Variants in CIAO1 observed in about 807,000 individuals in gnomAD.
CIAO1 encodes the protein cytosolic iron-sulfur assembly component 1.
In CIAO1, 32 loss-of-function variants were observed where a neutral mutation model predicts 43.1. The ratio of observed to expected loss-of-function variants is 0.74; its 90% CI spans 0.56 to 1.00. The LOEUF is 1.00. Ranked by LOEUF, CIAO1 falls within the 50% of genes least tolerant of loss-of-function variation. CIAO1 has a pLI of 0.00. For synonymous variants in CIAO1, 183 were observed against 171.4 expected (o/e 1.07, Z -0.53); for missense variants, 415 against 437.4 (o/e 0.95, Z 0.46).
At chr2:96,268,201 A>G (rs1684474383) in intron 4 of CIAO1, among the ~76,000 whole-genome samples, 1 of 152,150 alleles carries the variant, frequency 6.6e-6, no homozygotes, top group African/African-American at 2.4e-5. Context: ...TAAAAATACA[A>G]AATTAGCGGG....
Position 96,271,699 on chromosome 2 carries a change from GA to G in CIAO1, c.*351del, listed in dbSNP as rs1684553419. 1 of 176,850 alleles carries G rather than the reference GA, an allele frequency of 5.7e-6. No individual in the cohort carries two copies. Among genetic ancestry groups the G allele is most frequent in the Admixed American group, 5.8e-5 (1 of 17,310 alleles). 11.0% of individuals were successfully genotyped at this position (176,850 alleles called of 1,614,324 possible). On this transcript the variant is annotated 3_prime_UTR_variant, in exon 7 of 7. Coordinates refer to ENST00000488633, the MANE Select transcript of CIAO1 (RefSeq NM_004804.3). ...CTTTTCTGAAGTTGCAAGACTTAAA[GA>G]AATAATCCATCTGCATCCCAAGTCC...
intron 1 of CIAO1, 67 bp from the exon 2 acceptor site, chr2:96,267,254 C>A: frequency 1.3e-6 from 2 of 1,525,176 alleles, no homozygotes; most frequent in Non-Finnish European, 8.8e-7. Context: ...CAGTGCTAGC[C>A]CCTGATATTG....
Position 96,266,427 on chromosome 2 carries a change from C to T in CIAO1, c.77C>T (p.Pro26Leu), listed in dbSNP as rs549269750. 10 of 1,560,686 alleles carry T rather than the reference C, an allele frequency of 6.4e-6. No homozygotes were observed. In the African/African-American group the frequency reaches 6.9e-5, roughly 11 times the overall value. The change falls in exon 1 of 7, where the codon CCC (proline) becomes CTC (leucine). Residue 26 changes from proline to leucine, a missense_variant. Pro to Leu is a moderately conservative substitution (Grantham distance 98). Transcript: ENST00000488633. The part of the protein sequence containing the change: ...DSRCWFLAWN[P>L]AGTLLASCGG... Reference sequence around the variant, plus strand: ...CGCTGCTGGTTCCTGGCCTGGAACCCCGCGGGGACCCTGCTGGCCTCGTGC... The same window carrying T: ...CGCTGCTGGTTCCTGGCCTGGAACCTCGCGGGGACCCTGCTGGCCTCGTGC...
chr2:96,271,075 A>T, intron 6 of CIAO1, 36 bp from the exon 7 acceptor site: 1 of 1,612,412 alleles, frequency 6.2e-7, no homozygotes, highest in Non-Finnish European at 8.5e-7. Flanking sequence ...TGGCCTAATT[A>T]GTCAGGTATA....
chr2:96,267,645 C>T lies in CIAO1; in HGVS notation c.309C>T (p.Gly103=). Reference sequence around the variant, plus strand: ...CACAGTGTGTAACCACTCTCGAGGGCCATGAAAATGAGGTCAAGTCAGTGG... The same window carrying T: ...CACAGTGTGTAACCACTCTCGAGGGTCATGAAAATGAGGTCAAGTCAGTGG... ...DDFECVTTLE[G]HENEVKSVAW... The change falls in exon 3 of 7, where the codon GGC becomes GGT. Residue 103 remains glycine (G), a synonymous_variant. Transcript: ENST00000488633. The T allele has an allele frequency of 6.2e-7, 1 of 1,614,132 alleles. No individual in the cohort carries two copies. Among genetic ancestry groups the T allele is most frequent in the South Asian group, 1.1e-5 (1 of 91,082 alleles).
rs761297195 is a variant in CIAO1 at position 96,267,827 on chromosome 2, C to T, written c.401-9C>T. On this transcript the variant is annotated splice_polypyrimidine_tract_variant and intron_variant, in intron 3 of 6. Coordinates refer to ENST00000488633, the MANE Select transcript of CIAO1 (RefSeq NM_004804.3). ...GTCGGCTCTTGGGTCCCCTTTTTCTCTCCCACAGTTGATGAAGAGGATGAG... is the reference window on the plus strand; with the variant it reads ...GTCGGCTCTTGGGTCCCCTTTTTCTTTCCCACAGTTGATGAAGAGGATGAG... 2.4e-5 allele frequency: 39 copies of T among 1,613,804 alleles called. 1 individual carries two copies. The Admixed American group carries it at 5.8e-4, about 24-fold the overall frequency.
Position 96,271,843 on chromosome 2 carries a change from A to G in CIAO1, c.*492A>G, listed in dbSNP as rs1684557518. ...AGACATCCAATCAATAATGAAGGAA[A>G]TTTTTTTCTGAATGTAGGTTTGAGT... is the stretch of plus-strand genomic sequence containing the variant. On this transcript the variant is annotated 3_prime_UTR_variant, in exon 7 of 7. Transcript: ENST00000488633. 6.4e-6 allele frequency: 1 copy of G among 155,106 alleles called. No homozygotes were observed. 9.6% of individuals were successfully genotyped at this position (155,106 alleles called of 1,614,324 possible).
At position 96,271,812 on chromosome 2, in the gene CIAO1, C is replaced by T. The variant is rs988739639; in HGVS notation, c.*461C>T. Reference sequence around the variant, plus strand: ...TTCCCAGTTTCTGTGTAAGTCTTTGCATTTAAGACATCCAATCAATAATGA... The same window carrying T: ...TTCCCAGTTTCTGTGTAAGTCTTTGTATTTAAGACATCCAATCAATAATGA... On this transcript the variant is annotated 3_prime_UTR_variant, in exon 7 of 7. Coordinates refer to ENST00000488633, the MANE Select transcript of CIAO1 (RefSeq NM_004804.3). 1 of 157,038 alleles carries T rather than the reference C, an allele frequency of 6.4e-6. No individual in the cohort carries two copies. Among genetic ancestry groups the T allele is most frequent in the African/African-American group, 2.4e-5 (1 of 41,424 alleles). The allele number at this position is 157,038 out of a possible 1,614,324, so 9.7% of individuals were successfully genotyped here.
At chr2:96,267,262 T>G (rs752065168) in intron 1 of CIAO1, 59 bp from the exon 2 acceptor site, 1 of 1,541,358 alleles carries the variant, frequency 6.5e-7, no homozygotes, top group Non-Finnish European at 8.8e-7. Context: ...GCCCCTGATA[T>G]TGAATGGCTT....
intron 5 of CIAO1, 69 bp from the exon 6 acceptor site, chr2:96,269,198 TA>T (rs1381267908): frequency 1.5e-6 from 2 of 1,322,386 alleles, no homozygotes; most frequent in East Asian, 4.6e-5. Flanking sequence ...TGAGGGAAGG[TA>T]AGTTAGGTTC....
In CIAO1 at chr2:96,271,991, A is replaced by C. The variant is rs1035085325; in HGVS notation, c.*640A>C. ...AGGAATCCTAAAAGGGAGAGTTATTACTGGCCACAAGCCCTGTATTCTCAA... is the reference window on the plus strand; with the variant it reads ...AGGAATCCTAAAAGGGAGAGTTATTCCTGGCCACAAGCCCTGTATTCTCAA... On this transcript the variant is annotated 3_prime_UTR_variant, in exon 7 of 7. Coordinates refer to ENST00000488633, the MANE Select transcript of CIAO1 (RefSeq NM_004804.3). 1.3e-5 allele frequency: 2 copies of C among 152,328 alleles called. No individual in the cohort carries two copies. Among genetic ancestry groups the C allele is most frequent in the African/African-American group, 4.8e-5 (2 of 41,452 alleles). 9.4% of individuals were successfully genotyped at this position (152,328 alleles called of 1,614,324 possible).
chr2:96,269,734 G>A (rs776323682), intron 6 of CIAO1, among the ~76,000 whole-genome samples: 5 of 152,208 alleles, frequency 3.3e-5, no homozygotes, highest in East Asian at 1.9e-4. Context: ...TGCAAGCTCC[G>A]TCTCCCGGGT....
At position 96,267,362 on chromosome 2, in the gene CIAO1, C is replaced by G; in HGVS notation, c.181C>G (p.Gln61Glu). 1 of 1,614,110 alleles carries G rather than the reference C, an allele frequency of 6.2e-7. No homozygotes were observed. The highest frequency in any genetic ancestry group is 8.5e-7 in the Non-Finnish European group (1 of 1,180,000). Residue 61 changes from glutamine (Q) to glutamate (E), a missense_variant, in exon 2 of 7, where the codon CAG (glutamine) becomes GAG (glutamate). Physicochemically the swap from Gln to Glu is conservative, Grantham distance 29. Transcript: ENST00000488633. Reference protein sequence around the residue: ...ICKSVLSEGHQRTVRKVAWSP... With the variant: ...ICKSVLSEGHERTVRKVAWSP... The stretch of plus-strand genomic sequence containing the variant: ...CAAGTCTGTCCTTTCTGAAGGCCAC[C>G]AGCGCACCGTGCGGAAGGTAGCCTG...
Position 96,266,279 on chromosome 2 carries a change from A to G in CIAO1, c.-72A>G. On this transcript the variant is annotated 5_prime_UTR_variant, in exon 1 of 7. Transcript: ENST00000488633. Reference sequence around the variant, plus strand: ...GAAGCCTGGAGTGGGCGGTACGCAGACGCGCGCGGTGAGACCCGCTGTCTG... The same window carrying G: ...GAAGCCTGGAGTGGGCGGTACGCAGGCGCGCGCGGTGAGACCCGCTGTCTG... The G allele has an allele frequency of 6.9e-6, 9 of 1,295,782 alleles. No individual in the cohort carries two copies. Among genetic ancestry groups the G allele is most frequent in the Non-Finnish European group, 8.9e-6 (9 of 1,013,938 alleles). 80.3% of individuals were successfully genotyped at this position (1,295,782 alleles called of 1,614,324 possible). A position where few individuals can be genotyped will look rare whatever the true frequency, so the allele number is the denominator to read the frequency against.
rs367948994 is a variant in CIAO1 at position 96,267,403 on chromosome 2, T to A, written c.222T>A (p.Asn74Lys). The change falls in exon 2 of 7, where the codon AAT becomes AAA. Residue 74 changes from asparagine (N) to lysine (K), a missense_variant. Asn to Lys is a moderately conservative substitution (Grantham distance 94, BLOSUM62 0). Transcript: ENST00000488633. ...VRKVAWSPCG[N>K]YLASASFDAT... is the part of the protein sequence containing the mutation. ...AGGTAGCCTGGTCCCCCTGCGGTAA[T>A]TACCTGGCCTCTGCCAGCTTTGATG... The A allele has an allele frequency of 6.2e-7, 1 of 1,614,162 alleles. No homozygotes were observed.
rs371710055 is a variant in CIAO1 at position 96,267,666 on chromosome 2, A to G, written c.330A>G (p.Ser110=). 3.1e-6 allele frequency: 5 copies of G among 1,614,162 alleles called. No homozygotes were observed. The highest frequency in any genetic ancestry group is 4.2e-6 in the Non-Finnish European group (5 of 1,180,038). ...AGGGCCATGAAAATGAGGTCAAGTCAGTGGCTTGGGCCCCATCTGGCAACC... is the reference window on the plus strand; with the variant it reads ...AGGGCCATGAAAATGAGGTCAAGTCGGTGGCTTGGGCCCCATCTGGCAACC... ...TLEGHENEVK[S]VAWAPSGNLL... is the part of the protein sequence containing the mutation. Residue 110 remains serine (S), a synonymous_variant, in exon 3 of 7, where the codon TCA becomes TCG. Coordinates refer to ENST00000488633, the MANE Select transcript of CIAO1 (RefSeq NM_004804.3).
At position 96,273,568 on chromosome 2, in the gene CIAO1, CAGG is replaced by C. The variant is rs1185105679; in HGVS notation, c.*2220_*2222del. Among the ~76,000 whole-genome samples, 3 of 146,242 alleles carry C rather than the reference CAGG, an allele frequency of 2.1e-5. No individual in the cohort carries two copies. The highest frequency in any genetic ancestry group is 3.0e-5 in the Non-Finnish European group (2 of 67,412). On this transcript the variant is annotated 3_prime_UTR_variant, in exon 7 of 7. Transcript: ENST00000488633. ...GTCCCAGCTACTCGGGAGGCTGAGG[CAGG>C]AGAATAGCTTGAACCCGGGAGGTGG... is the stretch of plus-strand genomic sequence containing the variant.
At chr2:96,266,930 G>A (rs1684443022) in intron 1 of CIAO1, among the ~76,000 whole-genome samples, 2 of 151,918 alleles carry the variant, frequency 1.3e-5, no homozygotes, top group African/African-American at 2.4e-5. Flanking sequence ...AGGTCAAGAG[G>A]TCAAGACCAG....
In CIAO1 at chr2:96,271,225, G is replaced by A. The variant is rs1290273843; in HGVS notation, c.894G>A (p.Leu298=). ...QQPTFSLTAH[L]HQAHSQDVNC... The stretch of plus-strand genomic sequence containing the variant: ...CCACCTTCTCCCTGACAGCCCACTT[G>A]CATCAGGCCCATTCCCAGGATGTCA... The change falls in exon 7 of 7, where the codon TTG becomes TTA. Residue 298 remains leucine (L), a synonymous_variant. Coordinates refer to ENST00000488633, the MANE Select transcript of CIAO1 (RefSeq NM_004804.3). The A allele has an allele frequency of 6.2e-7, 1 of 1,614,122 alleles. No homozygotes were observed. Among genetic ancestry groups the A allele is most frequent in the Non-Finnish European group, 8.5e-7 (1 of 1,180,048 alleles).
Sources: allele counts gnomAD v4.1 joint callset (sites outside exome capture counted in the v4.1 genomes callset), GRCh38; gene constraint gnomAD v4.1.1; transcripts MANE v1.5; gene names NCBI Gene and HGNC (gene_info 2026-07-23, HGNC 2026-07-21).